Variants in EIF3H observed in about 807,000 individuals in gnomAD.
The protein encoded by EIF3H is eIF-3-gamma.
A neutral mutation model predicts 44.2 loss-of-function variants in EIF3H; 26 were observed. The ratio of observed to expected loss-of-function variants is 0.59; its 90% CI spans 0.43 to 0.82. The LOEUF (loss-of-function observed/expected upper bound fraction) is 0.82, where lower values mean the gene tolerates loss of function less well. EIF3H is among the 40% of genes least tolerant of loss of function. The probability of loss-of-function intolerance (pLI) is 0.00; values close to 1 mark genes in which losing one functional copy is unlikely to be tolerated. For missense variants in EIF3H, 359 were observed against 432.8 expected, an observed-to-expected ratio of 0.83 and a Z score of 1.51; for synonymous variants, 166 against 151.9, an observed-to-expected ratio of 1.09 and a Z score of -0.68.
chr8:116,734,382 A>G, intron 1 of EIF3H: 1 of 455,912 alleles, frequency 2.2e-6, no homozygotes, highest in Non-Finnish European at 4.4e-6. Flanking sequence ...CTTGACGACT[A>G]TGGATTTTTA....
intron 5 of EIF3H, among the ~76,000 whole-genome samples, chr8:116,650,401 T>C (rs1277057483): frequency 6.6e-6 from 1 of 152,216 alleles, no homozygotes; most frequent in East Asian, 1.9e-4. Flanking sequence ...AATATGTTTA[T>C]ACCCTAGGGA....
chr8:116,712,492 ATTAC>A (rs1239090372), intron 2 of EIF3H, among the ~76,000 whole-genome samples: 2 of 152,212 alleles, frequency 1.3e-5, no homozygotes, highest in South Asian at 2.1e-4. Flanking sequence ...CCATTACATT[ATTAC>A]TTAAAGTCAA....
intron 1 of EIF3H, among the ~76,000 whole-genome samples, chr8:116,752,833 G>GGAA (rs1815381956): frequency 1.4e-5 from 2 of 141,348 alleles, no homozygotes; most frequent in Non-Finnish European, 3.0e-5. Flanking sequence ...AGGAAGGAAA[G>GGAA]AGAGAGAGAA....
Position 116,663,428 on chromosome 8 carries a change from T to C in EIF3H, c.290-4448A>G, listed in dbSNP as rs1005811086. 6.6e-4 allele frequency among the ~76,000 whole-genome samples: 100 copies of C among 152,300 alleles called. 2 individuals carry two copies. Among genetic ancestry groups the C allele is most frequent in the Admixed American group, 6.4e-3 (98 of 15,310 alleles). On this transcript the variant is annotated intron_variant, in intron 2 of 7. Coordinates refer to ENST00000521861, the MANE Select transcript of EIF3H (RefSeq NM_003756.3). Reference sequence around the variant, plus strand: ...AAAACAGCAATTTCAACTAATGACATTCTCTTCTAAGTTAATGTCTAAATA... The same window carrying C: ...AAAACAGCAATTTCAACTAATGACACTCTCTTCTAAGTTAATGTCTAAATA...
intron 2 of EIF3H, among the ~76,000 whole-genome samples, chr8:116,711,767 T>C (rs554557192): frequency 1.9e-4 from 29 of 152,350 alleles, no homozygotes; most frequent in African/African-American, 7.0e-4. Flanking sequence ...CACATTTACC[T>C]GCATATTAAT....
intron 5 of EIF3H, among the ~76,000 whole-genome samples, chr8:116,654,577 T>C (rs1248067322): frequency 6.6e-6 from 1 of 152,198 alleles, no homozygotes; most frequent in Admixed American, 6.6e-5. Context: ...CCAATGTGTT[T>C]GTAAAAGCAA....
At chr8:116,670,967 G>T (rs975912620) in intron 2 of EIF3H, among the ~76,000 whole-genome samples, 2 of 152,190 alleles carry the variant, frequency 1.3e-5, no homozygotes, top group African/African-American at 4.8e-5. Context: ...TGAGGCGGAA[G>T]TAAAAAATAT....
At chr8:116,754,146 C>A (rs2130996949) in intron 1 of EIF3H, among the ~76,000 whole-genome samples, 1 of 151,974 alleles carries the variant, frequency 6.6e-6, no homozygotes, top group South Asian at 2.1e-4. Context: ...CGGAGGCTCG[C>A]TCTATTGCCC....
At chr8:116,684,816 T>C (rs914958435) in intron 2 of EIF3H, among the ~76,000 whole-genome samples, 3 of 152,210 alleles carry the variant, frequency 2.0e-5, no homozygotes, top group Admixed American at 1.3e-4. Context: ...GATGTTATCA[T>C]TAGGAATATC....
chr8:116,744,189 G>A lies in EIF3H; in HGVS notation c.132+11477C>T, dbSNP rs562597681. ...AGGAAATAAAATCAGATGGCGACAG[G>A]GAGAGGTGGAAACATAGAAAGTATT... On this transcript the variant is annotated intron_variant, in intron 1 of 7. Transcript: ENST00000521861. Among the ~76,000 whole-genome samples, 320 of 147,466 alleles carry A rather than the reference G, an allele frequency of 2.2e-3. 1 individual carries two copies. The highest frequency in any genetic ancestry group is 6.9e-3 in the African/African-American group (274 of 39,582).
chr8:116,661,613 A>G (rs1033940178), intron 2 of EIF3H, among the ~76,000 whole-genome samples: 3 of 152,232 alleles, frequency 2.0e-5, no homozygotes, highest in Non-Finnish European at 4.4e-5. Flanking sequence ...AGAATTTTCT[A>G]TTAGCTAAAG....
intron 2 of EIF3H, among the ~76,000 whole-genome samples, chr8:116,725,457 T>TG (rs1311120781): frequency 6.6e-6 from 1 of 152,206 alleles, no homozygotes. Flanking sequence ...TTCAAACAAG[T>TG]GAGAAGTTAT....
At chr8:116,755,043 C>T (rs1407555549) in intron 1 of EIF3H, among the ~76,000 whole-genome samples, 6 of 152,148 alleles carry the variant, frequency 3.9e-5, no homozygotes, top group African/African-American at 1.4e-4. Flanking sequence ...TTTCCTCTTC[C>T]CAGCTAAGTC....
intron 2 of EIF3H, among the ~76,000 whole-genome samples, chr8:116,718,584 G>A (rs2130912813): frequency 6.6e-6 from 1 of 152,212 alleles, no homozygotes; most frequent in South Asian, 2.1e-4. Flanking sequence ...CAACCTGGAT[G>A]GAATTAGAAA....
At chr8:116,645,339 T>C (rs1280889701) in intron 7 of EIF3H, among the ~76,000 whole-genome samples, 1 of 152,224 alleles carries the variant, frequency 6.6e-6, no homozygotes, top group African/African-American at 2.4e-5. Context: ...TTATCAGCCC[T>C]AAGGACATAA....
At chr8:116,685,492 C>G (rs1225691290) in intron 2 of EIF3H, among the ~76,000 whole-genome samples, 1 of 152,152 alleles carries the variant, frequency 6.6e-6, no homozygotes, top group Non-Finnish European at 1.5e-5. Flanking sequence ...CTGCTTCTCC[C>G]ATATGACTGC....
At chr8:116,716,426 A>G (rs1380736355) in intron 2 of EIF3H, among the ~76,000 whole-genome samples, 1 of 152,154 alleles carries the variant, frequency 6.6e-6, no homozygotes, top group Non-Finnish European at 1.5e-5. Flanking sequence ...TAGGTGTGCC[A>G]GTGAAACAAA....
At chr8:116,671,633 C>T (rs1813757144) in intron 2 of EIF3H, among the ~76,000 whole-genome samples, 1 of 152,180 alleles carries the variant, frequency 6.6e-6, no homozygotes, top group Non-Finnish European at 1.5e-5. Context: ...GCAGTAAAGA[C>T]AGAGAAAGCT....
At chr8:116,652,084 C>T (rs1813403504) in intron 5 of EIF3H, among the ~76,000 whole-genome samples, 2 of 152,114 alleles carry the variant, frequency 1.3e-5, no homozygotes, top group South Asian at 4.1e-4. Flanking sequence ...AGAAGACAGA[C>T]CCTGAGGAAC....
Sources: gnomAD v4.1 joint callset for allele counts (sites outside exome capture counted in the v4.1 genomes callset) on GRCh38, gnomAD v4.1.1 for gene constraint, MANE v1.5 for transcripts, NCBI Gene and HGNC (gene_info 2026-07-23, HGNC 2026-07-21) for gene names.